Variants in SERPING1 observed in about 807,000 individuals in gnomAD.
SERPING1 encodes the protein serpin family G member 1, also known as plasma protease C1 inhibitor.
In SERPING1, 5 loss-of-function variants were observed where a neutral mutation model predicts 34.1. The observed-to-expected ratio is 0.15, with a 90% CI of 0.08 to 0.31. The LOEUF (loss-of-function observed/expected upper bound fraction) is 0.31, where lower values mean the gene tolerates loss of function less well. SERPING1 is among the 10% of genes least tolerant of loss of function. The pLI is 1.00. For missense variants in SERPING1, 505 were observed against 609.5 expected (o/e 0.83, Z 1.81); for synonymous variants, 225 against 242.4 (o/e 0.93, Z 0.67).
chr11:57,608,818 T>A (rs1387648368), intron 6 of SERPING1, among the ~76,000 whole-genome samples: 5 of 147,982 alleles, frequency 3.4e-5, no homozygotes, highest in Admixed American at 2.7e-4. Context: ...CAGCCTGAGT[T>A]TTTTTTTTTT....
intron 6 of SERPING1, among the ~76,000 whole-genome samples, chr11:57,608,793 G>T (rs1315471494): frequency 6.6e-6 from 1 of 150,640 alleles, no homozygotes; most frequent in Non-Finnish European, 1.5e-5. Context: ...CATTACAGGC[G>T]TGAGCCACTG....
intron 6 of SERPING1, 113 bp downstream of exon 6, chr11:57,606,660 CTCCT>C: frequency 1.9e-6 from 2 of 1,060,646 alleles, no homozygotes; most frequent in Non-Finnish European, 2.9e-6. Context: ...ATCACTTCTA[CTCCT>C]TCCATCTGTA....
At chr11:57,614,304 T>C in intron 7 of SERPING1, 24 bp from the exon 8 acceptor site, 2 of 1,612,292 alleles carry the variant, frequency 1.2e-6, no homozygotes, top group Non-Finnish European at 1.7e-6. Context: ...CTTCTGACTC[T>C]GTTTTTCTCT....
chr11:57,607,808 C>T (rs1043622115), intron 6 of SERPING1, among the ~76,000 whole-genome samples: 17 of 152,164 alleles, frequency 1.1e-4, no homozygotes, highest in African/African-American at 3.6e-4. Context: ...TACAGGAGCC[C>T]GCCACCACAC....
Position 57,600,152 on chromosome 11 carries a change from C to T in SERPING1, c.325C>T (p.Leu109Phe), listed in dbSNP as rs1452471839. ...CCAACCCACCCAACCAACTACCCAGCTCCCAACAGATTCTCCTACCCAGCC... is the reference window on the plus strand; with the variant it reads ...CCAACCCACCCAACCAACTACCCAGTTCCCAACAGATTCTCCTACCCAGCC... The part of the protein sequence containing the change: ...TIQPTQPTTQ[L>F]PTDSPTQPTT... Residue 109 changes from leucine (L) to phenylalanine (F), a missense_variant, in exon 3 of 8, where the codon CTC becomes TTC. Coordinates refer to ENST00000278407, the MANE Select transcript of SERPING1 (RefSeq NM_000062.3). The T allele has an allele frequency of 6.2e-7, 1 of 1,613,580 alleles. No individual in the cohort carries two copies. Among genetic ancestry groups the T allele is most frequent in the Non-Finnish European group, 8.5e-7 (1 of 1,179,852 alleles).
chr11:57,606,860 C>A (rs182897345), intron 6 of SERPING1: 8 of 595,644 alleles, frequency 1.3e-5, no homozygotes, highest in Non-Finnish European at 2.5e-5. Context: ...TCAGAAGACT[C>A]TGGTGGCTTA....
intron 4 of SERPING1, among the ~76,000 whole-genome samples, 194 bp downstream of exon 4, chr11:57,602,363 C>T (rs371966533): frequency 6.6e-6 from 1 of 152,208 alleles, no homozygotes; most frequent in Non-Finnish European, 1.5e-5. Flanking sequence ...CTAATGAGAC[C>T]TTAGACAAGT....
At chr11:57,606,746 G>GA (rs1945414769) in intron 6 of SERPING1, 199 bp downstream of exon 6, 1 of 729,716 alleles carries the variant, frequency 1.4e-6, no homozygotes, top group African/African-American at 1.7e-5. Context: ...TTTTAGGCTG[G>GA]AAACAGGATT....
chr11:57,600,529 A>C, intron 3 of SERPING1, 152 bp downstream of exon 3: 1 of 808,560 alleles, frequency 1.2e-6, no homozygotes, highest in Non-Finnish European at 2.1e-6. Context: ...GTATCTTTTC[A>C]TTCTTGAACA....
rs138364284 is a variant in SERPING1 at position 57,601,205 on chromosome 11, C to A, written c.550+828C>A. On this transcript the variant is annotated intron_variant, in intron 3 of 7. Coordinates refer to ENST00000278407, the MANE Select transcript of SERPING1 (RefSeq NM_000062.3). ...CACGAGGTCAGGAGTTCGAGACCAG[C>A]CTGACTAACATGGTGAAACCCCGTC... Among the ~76,000 whole-genome samples, 991 of 152,002 alleles carry A rather than the reference C, an allele frequency of 6.5e-3. 18 individuals are homozygous for A. Among genetic ancestry groups the A allele is most frequent in the African/African-American group, 0.023 (957 of 41,470 alleles).
At chr11:57,601,392 ACT>A (rs972578132) in intron 3 of SERPING1, among the ~76,000 whole-genome samples, 5 of 103,566 alleles carry the variant, frequency 4.8e-5, no homozygotes, top group African/African-American at 1.6e-4. Context: ...ACTGAGCAAG[ACT>A]CTGTCTCAAA....
intron 4 of SERPING1, among the ~76,000 whole-genome samples, chr11:57,602,416 A>C (rs1214941996): frequency 6.6e-6 from 1 of 152,224 alleles, no homozygotes; most frequent in African/African-American, 2.4e-5. Context: ...ATAACCGGGC[A>C]GGTACAGTAA....
intron 4 of SERPING1, among the ~76,000 whole-genome samples, chr11:57,603,571 G>A (rs1280023663): frequency 2.7e-5 from 4 of 150,894 alleles, no homozygotes; most frequent in African/African-American, 9.8e-5. Context: ...GGGCGCGGTG[G>A]CTCATGCCTG....
At chr11:57,605,981 C>T in intron 4 of SERPING1, 29 bp from the exon 5 acceptor site, 2 of 1,599,966 alleles carry the variant, frequency 1.3e-6, no homozygotes, top group Non-Finnish European at 1.7e-6. Context: ...GTTCAGGACT[C>T]ATGCCTCCCT....
Position 57,612,017 on chromosome 11 carries a change from A to G in SERPING1, c.1249+81A>G, listed in dbSNP as rs1945483235. ...CCCTAAGATGTAGTTAGCATTCTCT[A>G]GAGTATTTTTTACATCCATAATCTC... is the stretch of plus-strand genomic sequence containing the variant. On this transcript the variant is annotated intron_variant, in intron 7 of 7. Transcript: ENST00000278407. The G allele has an allele frequency of 2.5e-6, 3 of 1,212,664 alleles. No homozygotes were observed. The Admixed American group carries it at 5.2e-5, about 21-fold the overall frequency. 75.1% of individuals were successfully genotyped at this position (1,212,664 alleles called of 1,614,324 possible).
At position 57,598,253 on chromosome 11, in the gene SERPING1, G is replaced by T. The variant is rs1384719853; in HGVS notation, c.-18G>T. The stretch of plus-strand genomic sequence containing the variant: ...CGAGGCTGGCTGGCTCCGCAGGTCC[G>T]CTGACGTCGCCGCCCAGATGGCCTC... On this transcript the variant is annotated 5_prime_UTR_variant, in exon 2 of 8. Transcript: ENST00000278407. 5.8e-6 allele frequency: 9 copies of T among 1,545,824 alleles called. No individual in the cohort carries two copies. Among genetic ancestry groups the T allele is most frequent in the African/African-American group, 1.4e-5 (1 of 72,990 alleles).
chr11:57,601,129 G>A (rs1945343244), intron 3 of SERPING1, among the ~76,000 whole-genome samples: 1 of 151,652 alleles, frequency 6.6e-6, no homozygotes, highest in South Asian at 2.1e-4. Context: ...GGCCGGATGC[G>A]GTGGTTCACA....
chr11:57,603,863 G>A (rs775135110), intron 4 of SERPING1, among the ~76,000 whole-genome samples: 12 of 140,352 alleles, frequency 8.5e-5, no homozygotes, highest in Non-Finnish European at 1.7e-4. Flanking sequence ...AAAATGGGGC[G>A]GGCGGGCCAG....
intron 6 of SERPING1, among the ~76,000 whole-genome samples, chr11:57,610,303 T>C (rs2135322901): frequency 6.6e-6 from 1 of 152,306 alleles, no homozygotes; most frequent in Non-Finnish European, 1.5e-5. Context: ...GGGGGTGAGA[T>C]TTACCGGCTC....
Sources: gnomAD v4.1 joint callset for allele counts (sites outside exome capture counted in the v4.1 genomes callset) on GRCh38, gnomAD v4.1.1 for gene constraint, MANE v1.5 for transcripts, NCBI Gene and HGNC (gene_info 2026-07-23, HGNC 2026-07-21) for gene names.